The following DACH1 variants were observed in gnomAD, a reference collection of about 807,000 sequenced individuals.
DACH1 encodes dachshund family transcription factor 1.
A neutral mutation model predicts 54.2 loss-of-function variants in DACH1; 12 were observed. That is an observed-to-expected ratio of 0.22 (90% CI 0.14 to 0.36). The LOEUF (loss-of-function observed/expected upper bound fraction) is 0.36, where lower values mean the gene tolerates loss of function less well. Ranked by LOEUF, DACH1 falls within the 10% of genes least tolerant of loss-of-function variation. DACH1 has a pLI of 1.00. For synonymous variants in DACH1, 386 were observed against 366.2 expected (o/e 1.05, Z -0.62); for missense variants, 805 against 929.8 (o/e 0.87, Z 1.75).
rs999653946 is a variant in DACH1 at position 71,597,368 on chromosome 13, T to A, written c.1127-24356A>T. ...TTCTGTACACAATAAGTATACATAATTTTTTTAAATTTAAACATAATAGAA... is the reference window on the plus strand; with the variant it reads ...TTCTGTACACAATAAGTATACATAAATTTTTTAAATTTAAACATAATAGAA... On this transcript the variant is annotated intron_variant, in intron 3 of 10. Coordinates refer to ENST00000613252, the MANE Select transcript of DACH1 (RefSeq NM_080759.6). Among the ~76,000 whole-genome samples the A allele has an allele frequency of 3.3e-5, 5 of 152,312 alleles. No individual in the cohort carries two copies. In the South Asian group the frequency reaches 1.0e-3, roughly 32 times the overall value.
chr13:71,557,262 T>C (rs1312302626), intron 5 of DACH1, 104 bp from the exon 6 acceptor site: 2 of 810,528 alleles, frequency 2.5e-6, no homozygotes, highest in East Asian at 3.2e-5. Flanking sequence ...ACAGTAACTA[T>C]AATATTAATA....
intron 4 of DACH1, among the ~76,000 whole-genome samples, chr13:71,566,857 C>T (rs901438247): frequency 6.6e-6 from 1 of 151,972 alleles, no homozygotes; most frequent in African/African-American, 2.4e-5. Context: ...TCTGCATACA[C>T]TTGGAGATTT....
chr13:71,698,520 A>T (rs1881946390), intron 1 of DACH1, among the ~76,000 whole-genome samples: 1 of 152,106 alleles, frequency 6.6e-6, no homozygotes, highest in African/African-American at 2.4e-5. Flanking sequence ...ATTCATTCTG[A>T]AGAAATAATG....
At position 71,516,144 on chromosome 13, in the gene DACH1, C is replaced by T. The variant is rs573707324; in HGVS notation, c.1571-26996G>A. On this transcript the variant is annotated intron_variant, in intron 6 of 10. Coordinates refer to ENST00000613252, the MANE Select transcript of DACH1 (RefSeq NM_080759.6). The stretch of plus-strand genomic sequence containing the variant: ...ACCAAGAGAGCTCAGATTTTGCTGG[C>T]GGTTAATTTCTTTGCTTTTTTCCAT... Among the ~76,000 whole-genome samples, 16 of 151,808 alleles carry T rather than the reference C, an allele frequency of 1.1e-4. No individual in the cohort carries two copies. The East Asian group carries it at 2.1e-3, about 20-fold the overall frequency.
At chr13:71,502,832 T>C (rs776860922) in intron 6 of DACH1, among the ~76,000 whole-genome samples, 41 of 152,232 alleles carry the variant, frequency 2.7e-4, no homozygotes, top group Non-Finnish European at 5.6e-4. Flanking sequence ...ACTGCGTCAA[T>C]GTGTTCCATG....
intron 3 of DACH1, among the ~76,000 whole-genome samples, chr13:71,580,235 AT>A (rs961293244): frequency 1.3e-4 from 20 of 152,188 alleles, no homozygotes. Context: ...ATCTATGCTA[AT>A]TTTGCTTTCC....
At chr13:71,601,234 A>G (rs2138491016) in intron 3 of DACH1, among the ~76,000 whole-genome samples, 1 of 152,200 alleles carries the variant, frequency 6.6e-6, no homozygotes, top group Admixed American at 6.6e-5. Context: ...AAGCTGGACA[A>G]GAACATCTGG....
At chr13:71,613,796 C>T (rs944685935) in intron 3 of DACH1, among the ~76,000 whole-genome samples, 2 of 152,092 alleles carry the variant, frequency 1.3e-5, no homozygotes, top group African/African-American at 4.8e-5. Context: ...ACTGCTGCAG[C>T]CTGGACCTCC....
chr13:71,818,186 C>T (rs1340370715), intron 1 of DACH1, among the ~76,000 whole-genome samples: 1 of 151,980 alleles, frequency 6.6e-6, no homozygotes, highest in Non-Finnish European at 1.5e-5. Context: ...GGAGTCCTGC[C>T]TTCAAGGAAC....
intron 1 of DACH1, among the ~76,000 whole-genome samples, chr13:71,711,451 T>G (rs191161989): frequency 1.6e-4 from 25 of 152,236 alleles, no homozygotes; most frequent in African/African-American, 5.5e-4. Context: ...ACCTCTGAAT[T>G]CATAAGTCAT....
At chr13:71,822,492 T>C (rs1888229728) in intron 1 of DACH1, among the ~76,000 whole-genome samples, 1 of 152,202 alleles carries the variant, frequency 6.6e-6, no homozygotes, top group African/African-American at 2.4e-5. Context: ...TGTATGTTAT[T>C]ATGTTGAACA....
At chr13:71,660,294 G>C (rs1879404448) in intron 2 of DACH1, among the ~76,000 whole-genome samples, 1 of 152,024 alleles carries the variant, frequency 6.6e-6, no homozygotes, top group Admixed American at 6.6e-5. Flanking sequence ...ATTAAATCCA[G>C]TCACCTGCTT....
chr13:71,578,984 A>G (rs2138428854), intron 3 of DACH1, among the ~76,000 whole-genome samples: 1 of 152,260 alleles, frequency 6.6e-6, no homozygotes, highest in South Asian at 2.1e-4. Context: ...CTATAAATAT[A>G]TCATTTAGGA....
At chr13:71,538,463 T>C (rs1882940616) in intron 6 of DACH1, among the ~76,000 whole-genome samples, 1 of 152,048 alleles carries the variant, frequency 6.6e-6, no homozygotes, top group Non-Finnish European at 1.5e-5. Context: ...TTGGAAGGTC[T>C]TCCTTACCTA....
chr13:71,461,401 G>C (rs1876061106), intron 10 of DACH1, among the ~76,000 whole-genome samples: 1 of 151,824 alleles, frequency 6.6e-6, no homozygotes, highest in South Asian at 2.1e-4. Context: ...TGTTTATGCT[G>C]TATTATAATT....
At chr13:71,567,541 C>A (rs1430081253) in intron 4 of DACH1, among the ~76,000 whole-genome samples, 1 of 151,868 alleles carries the variant, frequency 6.6e-6, no homozygotes, top group Non-Finnish European at 1.5e-5. Context: ...CTAGAACTTA[C>A]TTTTAAACAA....
At chr13:71,742,278 T>C (rs117702023) in intron 1 of DACH1, among the ~76,000 whole-genome samples, 2,053 of 152,298 alleles carry the variant, frequency 0.013, 36 homozygotes, top group East Asian at 0.047. Context: ...GCAAACAGAC[T>C]AATACATAGC....
At chr13:71,510,363 A>G (rs1593810122) in intron 6 of DACH1, among the ~76,000 whole-genome samples, 1 of 151,808 alleles carries the variant, frequency 6.6e-6, no homozygotes, top group Admixed American at 6.6e-5. Context: ...TCATCTCTGG[A>G]CTCACATCTC....
chr13:71,759,884 TATGAGGC>T (rs1299894421), intron 1 of DACH1, among the ~76,000 whole-genome samples: 1 of 152,112 alleles, frequency 6.6e-6, no homozygotes, highest in African/African-American at 2.4e-5. Context: ...AAAGGGCCCT[TATGAGGC>T]ACTAGTGAGA....
Sources: gnomAD v4.1 joint callset for allele counts (sites outside exome capture counted in the v4.1 genomes callset) on GRCh38, gnomAD v4.1.1 for gene constraint, MANE v1.5 for transcripts, NCBI Gene and HGNC (gene_info 2026-07-23, HGNC 2026-07-21) for gene names.